The following CORO2B variants were observed in gnomAD, a reference collection of about 807,000 sequenced individuals.
CORO2B encodes coronin-2B.
Under a neutral mutation model 58.8 loss-of-function variants are expected in CORO2B, and 26 were observed. That is an observed-to-expected ratio of 0.44 (90% CI 0.32 to 0.61). CORO2B has a LOEUF of 0.61. Ranked by LOEUF, CORO2B falls within the 20% of genes least tolerant of loss-of-function variation. The pLI, the probability that CORO2B is intolerant of heterozygous loss-of-function variation, is 0.04. For synonymous variants in CORO2B, 242 were observed against 253.8 expected (o/e 0.95, Z 0.44); for missense variants, 460 against 645.1 (o/e 0.71, Z 3.11).
chr15:68,632,811 C>T (rs554329268), intron 1 of CORO2B, among the ~76,000 whole-genome samples: 1 of 152,302 alleles, frequency 6.6e-6, no homozygotes, highest in South Asian at 2.1e-4. Flanking sequence ...AGGCTGGTCT[C>T]AAACTCCTGA....
chr15:68,531,213 G>C, the CORO2B span, among the ~76,000 whole-genome samples: 3 of 152,214 alleles, frequency 2.0e-5, no homozygotes, highest in East Asian at 5.8e-4. Flanking sequence ...TGGTGTGCTG[G>C]CTCACGCCTA....
intron 1 of CORO2B, among the ~76,000 whole-genome samples, chr15:68,620,037 G>A (rs1900473659): frequency 6.6e-6 from 1 of 151,994 alleles, no homozygotes; most frequent in Non-Finnish European, 1.5e-5. Context: ...TCAGCCTCCT[G>A]AGTAGCTGGG....
chr15:68,571,082 G>A, the CORO2B span, among the ~76,000 whole-genome samples: 1 of 152,226 alleles, frequency 6.6e-6, no homozygotes, highest in Non-Finnish European at 1.5e-5. Context: ...GCCCCAGGCT[G>A]TGGAAGAATT....
intron 2 of CORO2B, among the ~76,000 whole-genome samples, chr15:68,685,666 T>C (rs1481887201): frequency 6.6e-6 from 1 of 152,226 alleles, no homozygotes; most frequent in African/African-American, 2.4e-5. Context: ...GTTCCCAGTC[T>C]TTGCTGCTCA....
chr15:68,578,941 C>A (rs1338861214), upstream of CORO2B: 14 of 740,446 alleles, frequency 1.9e-5, no homozygotes, highest in Admixed American at 6.3e-5. This position sits in a 1 kb window ranked among gnomAD's most constrained non-coding sequence, Gnocchi z 4.2. Context: ...GAGTTCCCGG[C>A]CCCTCTTCCT....
At chr15:68,545,751 G>C in the CORO2B span, among the ~76,000 whole-genome samples, 1 of 152,292 alleles carries the variant, frequency 6.6e-6, no homozygotes, top group South Asian at 2.1e-4. Context: ...TGCTGTAGGG[G>C]GAAGAGCTGG....
intron 1 of CORO2B, among the ~76,000 whole-genome samples, chr15:68,620,352 T>G (rs1314905299): frequency 6.6e-6 from 1 of 152,256 alleles, no homozygotes; most frequent in Non-Finnish European, 1.5e-5. Context: ...AAGAAAATTT[T>G]TAAATAAACA....
Position 68,715,306 on chromosome 15 carries a change from G to C in CORO2B, c.962G>C (p.Gly321Ala). 6.2e-7 allele frequency: 1 copy of C among 1,613,638 alleles called. No individual in the cohort carries two copies. The change falls in exon 8 of 12, where the codon GGC (glycine) becomes GCC (alanine). Residue 321 changes from glycine to alanine, a missense_variant. Around this residue, in one of 2 missense-constraint regions of CORO2B, gnomAD observed 352 missense variants for 543.0 expected, o/e 0.65. Coordinates refer to ENST00000261861, the MANE Select transcript of CORO2B (RefSeq NM_006091.5). ...TTCCGCTCCCCAGCCCCGCAGAAAG[G>C]CCTAGGTAAGTGGCCCCGAGGCTGC... ...MEFRSPAPQKGLGVMPKHGLD... is the reference protein window; with the variant it reads ...MEFRSPAPQKALGVMPKHGLD...
intron 1 of CORO2B, among the ~76,000 whole-genome samples, chr15:68,590,699 T>C (rs1295794223): frequency 6.6e-6 from 1 of 152,122 alleles, no homozygotes; most frequent in African/African-American, 2.4e-5. Flanking sequence ...GGGGTAATAA[T>C]GCCCTAAGTG....
chr15:68,578,364 C>G (rs1337779682), upstream of CORO2B, among the ~76,000 whole-genome samples: 1 of 152,220 alleles, frequency 6.6e-6, no homozygotes, highest in Non-Finnish European at 1.5e-5. This position sits in a 1 kb window ranked among gnomAD's most constrained non-coding sequence, Gnocchi z 4.2. Flanking sequence ...AAGTCACTTC[C>G]CACGTCCGTC....
At chr15:68,683,565 A>AC (rs112684389) in intron 2 of CORO2B, among the ~76,000 whole-genome samples, 6,252 of 151,554 alleles carry the variant, frequency 0.041, 288 homozygotes, top group African/African-American at 0.11. Flanking sequence ...TTGGTGCACC[A>AC]CCCCTCCCCC....
intron 5 of CORO2B, among the ~76,000 whole-genome samples, chr15:68,712,777 G>A (rs544706924): frequency 7.2e-5 from 11 of 152,160 alleles, no homozygotes; most frequent in South Asian, 4.1e-4. Context: ...CATGTGATAC[G>A]TGAGAACACT....
At chr15:68,585,221 G>A (rs1899521854) in intron 1 of CORO2B, among the ~76,000 whole-genome samples, 1 of 152,198 alleles carries the variant, frequency 6.6e-6, no homozygotes, top group African/African-American at 2.4e-5. Flanking sequence ...CGGATAAACA[G>A]AGTGTCTGAG....
intron 1 of CORO2B, among the ~76,000 whole-genome samples, chr15:68,641,097 A>T (rs1644427198): frequency 6.6e-6 from 1 of 152,202 alleles, no homozygotes; most frequent in Non-Finnish European, 1.5e-5. Context: ...ATGGAGATCC[A>T]GTCCCAGCCT....
Position 68,598,800 on chromosome 15 carries a change from A to G in CORO2B, c.15+19523A>G, listed in dbSNP as rs1036670852. On this transcript the variant is annotated intron_variant, in intron 1 of 11. Transcript: ENST00000261861. ...GGGGTTTGTACAGAAACGCTGCCAA[A>G]AGAAAGTTTCTGTTCTGTCCAGACT... Among the ~76,000 whole-genome samples, 36 of 152,298 alleles carry G rather than the reference A, an allele frequency of 2.4e-4. 1 individual carries two copies. The highest frequency in any genetic ancestry group is 8.2e-4 in the African/African-American group (34 of 41,560).
At chr15:68,717,478 A>G (rs1334494168) in intron 8 of CORO2B, among the ~76,000 whole-genome samples, 2 of 152,198 alleles carry the variant, frequency 1.3e-5, no homozygotes, top group African/African-American at 4.8e-5. Flanking sequence ...CCAGATGTTT[A>G]GAAAGTAATG....
At chr15:68,642,099 C>T (rs553891948) in intron 1 of CORO2B, among the ~76,000 whole-genome samples, 25 of 145,288 alleles carry the variant, frequency 1.7e-4, no homozygotes, top group South Asian at 6.6e-4. Flanking sequence ...TGCAGTGGCG[C>T]GATCTCGGCT....
At chr15:68,547,206 C>T in the CORO2B span, among the ~76,000 whole-genome samples, 16 of 152,130 alleles carry the variant, frequency 1.1e-4, no homozygotes, top group South Asian at 2.1e-4. Flanking sequence ...GAGAGCAACC[C>T]GATTAGTTAT....
At chr15:68,531,500 A>AAAAGG in the CORO2B span, among the ~76,000 whole-genome samples, 1 of 113,784 alleles carries the variant, frequency 8.8e-6, no homozygotes, top group African/African-American at 3.7e-5. Flanking sequence ...GTATCTCAAA[A>AAAAGG]AAGGAAGGAA....
Sources: allele counts gnomAD v4.1 joint callset (sites outside exome capture counted in the v4.1 genomes callset), GRCh38; gene constraint gnomAD v4.1.1; regional missense constraint gnomAD v4.1.1; non-coding constraint Gnocchi (gnomAD v3.1); transcripts MANE v1.5; gene names NCBI Gene and HGNC (gene_info 2026-07-23, HGNC 2026-07-21).